MAPKBP1: variants seen among roughly 807,000 people sequenced by gnomAD.
MAPKBP1 encodes mitogen-activated protein kinase binding protein 1.
In MAPKBP1, 71 loss-of-function variants were observed where a neutral mutation model predicts 170.5. The observed-to-expected ratio is 0.42, with a 90% confidence interval of 0.34 to 0.51. The LOEUF is 0.51. Ranked by LOEUF, MAPKBP1 falls within the 20% of genes least tolerant of loss-of-function variation. The pLI is 0.06. For missense variants in MAPKBP1, 1,598 were observed against 1,933.0 expected (o/e 0.83, Z 3.25); for synonymous variants, 719 against 757.9 (o/e 0.95, Z 0.84).
intron 5 of MAPKBP1, 35 bp downstream of exon 5, chr15:41,811,270 A>C (rs1358698896): frequency 6.2e-7 from 1 of 1,613,110 alleles, no homozygotes; most frequent in Admixed American, 1.7e-5. Context: ...TACTGTAAAG[A>C]GGGCAGGTGT....
chr15:41,808,223 C>T (rs1329596545), intron 3 of MAPKBP1, among the ~76,000 whole-genome samples: 2 of 149,838 alleles, frequency 1.3e-5, no homozygotes, highest in Admixed American at 6.7e-5. Context: ...TCTCCTGCCT[C>T]AGCCTCCCCA....
Position 41,818,764 on chromosome 15 carries a change from G to A in MAPKBP1, c.2157-59G>A, listed in dbSNP as rs1319038271. 8.7e-6 allele frequency: 14 copies of A among 1,600,886 alleles called. No homozygotes were observed. The highest frequency in any genetic ancestry group is 1.7e-4 in the Middle Eastern group (1 of 6,038). Reference sequence around the variant, plus strand: ...CTTGCCATCCATGGATAAGGGGAACGAATGGCGCTAGCCATTCTACCTGCC... The same window carrying A: ...CTTGCCATCCATGGATAAGGGGAACAAATGGCGCTAGCCATTCTACCTGCC... On this transcript the variant is annotated intron_variant, in intron 19 of 30. Coordinates refer to ENST00000457542, the MANE Select transcript of MAPKBP1 (RefSeq NM_014994.3). The surrounding 1 kb of genome is among the most constrained non-coding windows in gnomAD (Gnocchi z 5.2).
Position 41,818,990 on chromosome 15 carries a change from G to A in MAPKBP1, c.2291+33G>A. On this transcript the variant is annotated intron_variant, in intron 20 of 30. Transcript: ENST00000457542. The surrounding 1 kb of genome is among the most constrained non-coding windows in gnomAD (Gnocchi z 5.2). ...CAGAATGTGGGCAAGTGATGGGTGG[G>A]TGTGCAGATGGCTTGCTGGGACCTC... 1 of 1,608,348 alleles carries A rather than the reference G, an allele frequency of 6.2e-7. No homozygotes were observed. The highest frequency in any genetic ancestry group is 8.5e-7 in the Non-Finnish European group (1 of 1,175,768).
At chr15:41,778,043 C>T (rs2064126038) in intron 2 of MAPKBP1, among the ~76,000 whole-genome samples, 1 of 152,154 alleles carries the variant, frequency 6.6e-6, no homozygotes, top group Non-Finnish European at 1.5e-5. Context: ...TGTGACTAGT[C>T]CCCCACCTTG....
chr15:41,813,408 T>C (rs2064837785), intron 8 of MAPKBP1: 2 of 1,501,244 alleles, frequency 1.3e-6, no homozygotes, highest in Non-Finnish European at 1.9e-6. Context: ...CACTGGGCTT[T>C]TCCTACTGGA....
chr15:41,790,511 G>A (rs929070541), intron 2 of MAPKBP1, among the ~76,000 whole-genome samples: 1 of 152,110 alleles, frequency 6.6e-6, no homozygotes, highest in Non-Finnish European at 1.5e-5. Context: ...TGTGGCTAGC[G>A]GCTTTGTCAG....
intron 2 of MAPKBP1, among the ~76,000 whole-genome samples, chr15:41,779,123 G>A (rs1367236456): frequency 6.6e-6 from 1 of 152,150 alleles, no homozygotes; most frequent in African/African-American, 2.4e-5. Context: ...GTTTGGTTGG[G>A]TGGGTTTCAT....
rs367900976 is a variant in MAPKBP1 at position 41,813,324 on chromosome 15, G to C, written c.819+223G>C. ...TCTCTTTCCCCTGCTTTCCTCTTCC[G>C]CTCAGAACATAGACAGCTTCACAGT... is the stretch of plus-strand genomic sequence containing the variant. On this transcript the variant is annotated intron_variant, in intron 8 of 30. Coordinates refer to ENST00000457542, the MANE Select transcript of MAPKBP1 (RefSeq NM_014994.3). The C allele has an allele frequency of 2.0e-6, 3 of 1,528,240 alleles. No individual in the cohort carries two copies. In the Admixed American group the frequency reaches 5.0e-5, roughly 26 times the overall value. The allele number at this position is 1,528,240 out of a possible 1,614,324, so 94.7% of individuals were successfully genotyped here.
At chr15:41,786,777 A>AAAAAAAAATAT in intron 2 of MAPKBP1, among the ~76,000 whole-genome samples, 14 of 32,450 alleles carry the variant, frequency 4.3e-4, no homozygotes, top group Non-Finnish European at 6.7e-4. Flanking sequence ...AAAAAAAAAA[A>AAAAAAAAATAT]ATATATATAT....
chr15:41,793,472 C>CA (rs1239171603), intron 2 of MAPKBP1, among the ~76,000 whole-genome samples: 2 of 151,374 alleles, frequency 1.3e-5, no homozygotes, highest in Non-Finnish European at 2.9e-5. Flanking sequence ...GACTCCGTCT[C>CA]AAAAAAATAA....
rs769837534 is a variant in MAPKBP1 at position 41,818,994 on chromosome 15, G to C, written c.2291+37G>C. 11 of 1,607,388 alleles carry C rather than the reference G, an allele frequency of 6.8e-6. No homozygotes were observed. In the East Asian group the frequency reaches 2.5e-4, roughly 36 times the overall value. On this transcript the variant is annotated intron_variant, in intron 20 of 30. Coordinates refer to ENST00000457542, the MANE Select transcript of MAPKBP1 (RefSeq NM_014994.3). This position sits in a 1 kb window ranked among gnomAD's most constrained non-coding sequence, Gnocchi z 5.2. ...ATGTGGGCAAGTGATGGGTGGGTGT[G>C]CAGATGGCTTGCTGGGACCTCACTG...
chr15:41,800,242 C>T (rs1045205738), intron 3 of MAPKBP1, among the ~76,000 whole-genome samples: 1 of 152,160 alleles, frequency 6.6e-6, no homozygotes, highest in Non-Finnish European at 1.5e-5. Context: ...ATTCACATAC[C>T]ATATAACTCA....
chr15:41,806,574 G>A (rs892091678), intron 3 of MAPKBP1, among the ~76,000 whole-genome samples: 1 of 152,208 alleles, frequency 6.6e-6, no homozygotes, highest in Non-Finnish European at 1.5e-5. Context: ...TTCCTGGGCA[G>A]TGGGCCCAGC....
rs368331252 is a variant in MAPKBP1, at chr15:41,811,974, C to T, written c.345C>T (p.Ala115=). ...CCCTGCAGAGTGGGCACATGCCTGC[C>T]GTGCGGGTTTGGGACGTGGCAGAGC... ...LVTGESGHMP[A]VRVWDVAEHS... Residue 115 remains alanine, a synonymous_variant, in exon 6 of 31, where the codon GCC becomes GCT. Transcript: ENST00000457542. 4.6e-5 allele frequency: 75 copies of T among 1,613,976 alleles called. No individual in the cohort carries two copies. The highest frequency in any genetic ancestry group is 1.1e-4 in the African/African-American group (8 of 74,874).
At chr15:41,805,792 A>C (rs753035727) in intron 3 of MAPKBP1, among the ~76,000 whole-genome samples, 20 of 152,216 alleles carry the variant, frequency 1.3e-4, no homozygotes, top group Non-Finnish European at 2.6e-4. Context: ...CGCCAGGGAC[A>C]GTAGAGAGAC....
Position 41,823,534 on chromosome 15 carries a change from C to A in MAPKBP1, c.3686C>A (p.Pro1229His). The change falls in exon 29 of 31, where the codon CCC (proline) becomes CAC (histidine). Residue 1229 changes from proline (P) to histidine (H), a missense_variant. Physicochemically the swap from Pro to His is moderately conservative, Grantham distance 77 (BLOSUM62 -2). Transcript: ENST00000457542. Reference protein sequence around the residue: ...IEAQDGLGSLPPADGRPSRPH... With the variant: ...IEAQDGLGSLHPADGRPSRPH... Reference sequence around the variant, plus strand: ...GCTCAGGATGGTCTGGGCTCCCTGCCCCCAGCTGATGGCCGTCCGTCTCGG... The same window carrying A: ...GCTCAGGATGGTCTGGGCTCCCTGCACCCAGCTGATGGCCGTCCGTCTCGG... 6.2e-7 allele frequency: 1 copy of A among 1,614,146 alleles called. No individual in the cohort carries two copies.
In MAPKBP1 at chr15:41,827,661, G is replaced by A. The variant is rs1185066569; in HGVS notation, c.*2225G>A. 3.9e-5 allele frequency: 6 copies of A among 153,730 alleles called. No homozygotes were observed. Among genetic ancestry groups the A allele is most frequent in the African/African-American group, 1.4e-4 (6 of 41,534 alleles). 9.5% of individuals were successfully genotyped at this position (153,730 alleles called of 1,614,324 possible). A position where few individuals can be genotyped will look rare whatever the true frequency, so the allele number is the denominator to read the frequency against. ...CCCCGTCCCCTTCTGCATGTCTGAGGCCACCGGCAACCGCCGCCCCACTCC... is the reference window on the plus strand; with the variant it reads ...CCCCGTCCCCTTCTGCATGTCTGAGACCACCGGCAACCGCCGCCCCACTCC... On this transcript the variant is annotated 3_prime_UTR_variant, in exon 31 of 31. Transcript: ENST00000457542.
At chr15:41,777,642 G>A (rs1205552709) in intron 2 of MAPKBP1, among the ~76,000 whole-genome samples, 4 of 152,070 alleles carry the variant, frequency 2.6e-5, no homozygotes, top group Admixed American at 6.6e-5. Flanking sequence ...GTCTTTGTGC[G>A]CCCAGGACCC....
intron 2 of MAPKBP1, among the ~76,000 whole-genome samples, chr15:41,782,487 T>C (rs867628165): frequency 6.6e-6 from 1 of 152,184 alleles, no homozygotes; most frequent in African/African-American, 2.4e-5. Context: ...ACATATACTA[T>C]CTTATTCAAG....
Sources: allele counts gnomAD v4.1 joint callset (sites outside exome capture counted in the v4.1 genomes callset), GRCh38; gene constraint gnomAD v4.1.1; non-coding constraint Gnocchi (gnomAD v3.1); transcripts MANE v1.5; gene names NCBI Gene and HGNC (gene_info 2026-07-23, HGNC 2026-07-21).